The following DNAL1 variants were observed in gnomAD, a reference collection of about 807,000 sequenced individuals.
DNAL1 encodes dynein axonemal light chain 1.
DNAL1 carries 17 observed loss-of-function variants against 29.4 expected under a neutral mutation model. That is an observed-to-expected ratio of 0.58 (90% CI 0.40 to 0.87). The LOEUF is 0.87. DNAL1 is among the 40% of genes least tolerant of loss of function. DNAL1 has a pLI of 0.00. For missense variants in DNAL1, 188 were observed against 214.1 expected, an observed-to-expected ratio of 0.88 and a Z score of 0.76; for synonymous variants, 78 against 76.3, an observed-to-expected ratio of 1.02 and a Z score of -0.12.
At chr14:73,695,647 A>G (rs1031096961) in intron 7 of DNAL1, among the ~76,000 whole-genome samples, 1 of 152,014 alleles carries the variant, frequency 6.6e-6, no homozygotes, top group Non-Finnish European at 1.5e-5. Flanking sequence ...CTCCTGCCTC[A>G]GCCTCCCAAG....
intron 5 of DNAL1, among the ~76,000 whole-genome samples, chr14:73,674,742 A>G (rs1180557325): frequency 6.6e-6 from 1 of 152,090 alleles, no homozygotes; most frequent in Non-Finnish European, 1.5e-5. Flanking sequence ...GGGTCCCACT[A>G]TGTTGCCCAG....
chr14:73,690,315 C>T (rs540378852), intron 7 of DNAL1, among the ~76,000 whole-genome samples: 220 of 152,096 alleles, frequency 1.4e-3, no homozygotes, highest in Non-Finnish European at 2.4e-3. Flanking sequence ...CCTTTTCTCA[C>T]TCTTCCCTGT....
rs1892474844 is a variant in DNAL1 at position 73,703,040 on chromosome 14, CAGA to C, written c.*7101_*7103del. The C allele has an allele frequency of 6.6e-6, 1 of 151,990 alleles. No individual in the cohort carries two copies. The allele number at this position is 151,990 out of a possible 1,614,324, so 9.4% of individuals were successfully genotyped here. On this transcript the variant is annotated 3_prime_UTR_variant, in exon 8 of 8. Transcript: ENST00000553645. ...AGGCTGAGGCAGGATTGCTTGAACC[CAGA>C]AGTTTGAGGTTACAGTGAGCTATGA...
chr14:73,660,231 A>G (rs1243463737), intron 3 of DNAL1, among the ~76,000 whole-genome samples: 1 of 152,114 alleles, frequency 6.6e-6, no homozygotes, highest in East Asian at 1.9e-4. Context: ...TGCCTGGCCT[A>G]CTTATTTTGT....
chr14:73,692,089 C>G (rs981565276), intron 7 of DNAL1, among the ~76,000 whole-genome samples: 7 of 151,392 alleles, frequency 4.6e-5, no homozygotes, highest in Admixed American at 6.6e-5. Flanking sequence ...GCTCCGCCTC[C>G]CAAGTTCAAG....
chr14:73,658,974 C>G lies in DNAL1; in HGVS notation c.152+18C>G, dbSNP rs146077001. The G allele has an allele frequency of 2.1e-6, 3 of 1,430,206 alleles. No homozygotes were observed. Among genetic ancestry groups the G allele is most frequent in the Non-Finnish European group, 2.8e-6 (3 of 1,073,980 alleles). The allele number at this position is 1,430,206 out of a possible 1,614,324, so 88.6% of individuals were successfully genotyped here. A position where few individuals can be genotyped will look rare whatever the true frequency, so the allele number is the denominator to read the frequency against. On this transcript the variant is annotated intron_variant, in intron 3 of 7. Coordinates refer to ENST00000553645, the MANE Select transcript of DNAL1 (RefSeq NM_031427.4). ...AATTGCGAGTAAGTTCTCTTTTCAT[C>G]CTTCCAGTATTGCTGTTAGGTTTCC...
chr14:73,693,864 G>A lies in DNAL1; in HGVS notation c.533-2038G>A, dbSNP rs74920742. ...AAATCTGGGTGCCGGTAACTAGTTT[G>A]TGTTCACTTTATGAACATTTATCAA... On this transcript the variant is annotated intron_variant, in intron 7 of 7. Transcript: ENST00000553645. 8.1e-3 allele frequency among the ~76,000 whole-genome samples: 1,227 copies of A among 152,200 alleles called. 24 individuals carry two copies. The highest frequency in any genetic ancestry group is 0.028 in the African/African-American group (1,162 of 41,510).
Position 73,689,473 on chromosome 14 carries a change from G to A in DNAL1, c.490G>A (p.Glu164Lys), listed in dbSNP as rs190778454. 2.5e-5 allele frequency: 40 copies of A among 1,581,678 alleles called. No individual in the cohort carries two copies. Among genetic ancestry groups the A allele is most frequent in the Admixed American group, 1.5e-4 (8 of 54,624 alleles). Reference protein sequence around the residue: ...EKHSAENNWIEEATKRVPKLK... With the variant: ...EKHSAENNWIKEATKRVPKLK... ...ACATTCTGCTGAGAATAACTGGATT[G>A]AAGAAGCAACCAAGAGAGTGCCCAA... Residue 164 changes from glutamate to lysine, a missense_variant, in exon 7 of 8, where the codon GAA becomes AAA. Glu to Lys is a moderately conservative substitution (Grantham distance 56). Transcript: ENST00000553645.
At chr14:73,666,488 C>G (rs1891483483) in intron 4 of DNAL1, among the ~76,000 whole-genome samples, 1 of 152,084 alleles carries the variant, frequency 6.6e-6, no homozygotes, top group Non-Finnish European at 1.5e-5. Context: ...TGATTTTCAT[C>G]AGGATACTGT....
intron 3 of DNAL1, among the ~76,000 whole-genome samples, chr14:73,661,171 A>T (rs56162252): frequency 0.011 from 1,612 of 152,018 alleles, 18 homozygotes; most frequent in Non-Finnish European, 0.013. Context: ...CTAAAAAAAA[A>T]ATATATATAT....
intron 7 of DNAL1, among the ~76,000 whole-genome samples, chr14:73,695,403 C>T (rs1159407840): frequency 6.6e-6 from 1 of 151,938 alleles, no homozygotes; most frequent in Non-Finnish European, 1.5e-5. Flanking sequence ...GCTTAATATT[C>T]ACAAGTATGT....
chr14:73,682,205 C>G (rs1420380373), intron 5 of DNAL1, among the ~76,000 whole-genome samples: 1 of 140,752 alleles, frequency 7.1e-6, no homozygotes, highest in Non-Finnish European at 1.5e-5. Context: ...GAGTCTCGCT[C>G]TGTTGCCCAG....
chr14:73,677,643 G>A (rs1203820594), intron 5 of DNAL1, among the ~76,000 whole-genome samples: 8 of 148,010 alleles, frequency 5.4e-5, no homozygotes, highest in Admixed American at 2.0e-4. Context: ...TGCAAGCTCC[G>A]CCTCCCGGGT....
intron 7 of DNAL1, among the ~76,000 whole-genome samples, chr14:73,689,971 G>A (rs905179845): frequency 1.3e-5 from 2 of 150,764 alleles, no homozygotes; most frequent in African/African-American, 4.9e-5. Flanking sequence ...GGCAGGCGGA[G>A]GTTGCAGTGA....
intron 2 of DNAL1, among the ~76,000 whole-genome samples, chr14:73,655,547 G>A (rs1441938155): frequency 1.3e-5 from 2 of 151,536 alleles, no homozygotes; most frequent in African/African-American, 2.4e-5. Context: ...GTGTTTCATC[G>A]TGTTGGTCAG....
intron 1 of DNAL1, among the ~76,000 whole-genome samples, chr14:73,645,940 A>C (rs923532682): frequency 2.6e-5 from 4 of 152,232 alleles, no homozygotes; most frequent in Admixed American, 1.3e-4. Context: ...TATGAAGAAG[A>C]AGCATAATTA....
intron 2 of DNAL1, 127 bp from the exon 3 acceptor site, chr14:73,658,720 T>C: frequency 1.7e-6 from 1 of 603,850 alleles, no homozygotes; most frequent in African/African-American, 1.9e-5. Flanking sequence ...TAAAGAATTA[T>C]TAAACAGTTT....
At position 73,697,330 on chromosome 14, in the gene DNAL1, GTGAT is replaced by G. The variant is rs2140068619; in HGVS notation, c.*1391_*1394del. 1 of 152,260 alleles carries G rather than the reference GTGAT, an allele frequency of 6.6e-6. No homozygotes were observed. Among genetic ancestry groups the G allele is most frequent in the South Asian group, 2.1e-4 (1 of 4,814 alleles). 9.4% of individuals were successfully genotyped at this position (152,260 alleles called of 1,614,324 possible). A position where few individuals can be genotyped will look rare whatever the true frequency, so the allele number is the denominator to read the frequency against. ...AAGAGGGAAGAATCATCTTTAAAAA[GTGAT>G]TGCATAAGTAGTCCTGGGTTTCAGA... On this transcript the variant is annotated 3_prime_UTR_variant, in exon 8 of 8. Coordinates refer to ENST00000553645, the MANE Select transcript of DNAL1 (RefSeq NM_031427.4).
chr14:73,684,260 G>A lies in DNAL1; in HGVS notation c.265-2999G>A, dbSNP rs1042485446. Among the ~76,000 whole-genome samples, 11 of 152,146 alleles carry A rather than the reference G, an allele frequency of 7.2e-5. No homozygotes were observed. In the East Asian group the frequency reaches 1.9e-3, roughly 27 times the overall value. ...GAATAGTGCTGCAGTAAACATGGGA[G>A]TGCTGATAGCTATCTCTTCGACATA... On this transcript the variant is annotated intron_variant, in intron 5 of 7. Coordinates refer to ENST00000553645, the MANE Select transcript of DNAL1 (RefSeq NM_031427.4).
Sources: allele counts gnomAD v4.1 joint callset (sites outside exome capture counted in the v4.1 genomes callset), GRCh38; gene constraint gnomAD v4.1.1; transcripts MANE v1.5; gene names NCBI Gene and HGNC (gene_info 2026-07-23, HGNC 2026-07-21).